The following EDIL3 variants were observed in gnomAD, a reference collection of about 807,000 sequenced individuals.
EDIL3 encodes EGF like and discoidin domains 3.
Under a neutral mutation model 67.4 loss-of-function variants are expected in EDIL3, and 37 were observed. That is an observed-to-expected ratio of 0.55 (90% CI 0.42 to 0.72). The LOEUF (loss-of-function observed/expected upper bound fraction) is 0.72. Ranked by LOEUF, EDIL3 falls within the 30% of genes least tolerant of loss-of-function variation. The probability of loss-of-function intolerance (pLI) is 0.00; values close to 1 mark genes in which losing one functional copy is unlikely to be tolerated. For missense variants in EDIL3, 527 were observed against 586.3 expected (o/e 0.90, Z 1.04); for synonymous variants, 195 against 196.3 (o/e 0.99, Z 0.05).
intron 5 of EDIL3, among the ~76,000 whole-genome samples, chr5:84,127,732 T>G (rs992069184): frequency 5.9e-5 from 9 of 152,082 alleles, no homozygotes; most frequent in Admixed American, 1.3e-4. Context: ...TTTATTTTAT[T>G]TTTTTCGTAC....
In EDIL3 at chr5:84,001,054, T is replaced by A. The variant is rs369897638; in HGVS notation, c.1138-37694A>T. Among the ~76,000 whole-genome samples the A allele has an allele frequency of 2.2e-3, 330 of 152,086 alleles. 2 individuals carry two copies. Among genetic ancestry groups the A allele is most frequent in the African/African-American group, 7.6e-3 (317 of 41,492 alleles). On this transcript the variant is annotated intron_variant, in intron 9 of 10. Coordinates refer to ENST00000296591, the MANE Select transcript of EDIL3 (RefSeq NM_005711.5). ...AGCAGAAAAACCACATTTTTATTTT[T>A]ATTTATTTATTTTTGAGACAGAATC...
intron 1 of EDIL3, among the ~76,000 whole-genome samples, chr5:84,346,561 C>T (rs1747244485): frequency 1.3e-5 from 2 of 152,120 alleles, no homozygotes; most frequent in Admixed American, 1.3e-4. Context: ...GTACAGTGTA[C>T]ATTTTTAGTT....
intron 10 of EDIL3, among the ~76,000 whole-genome samples, chr5:83,957,552 C>T (rs1458341728): frequency 6.6e-6 from 1 of 151,626 alleles, no homozygotes; most frequent in Non-Finnish European, 1.5e-5. Context: ...TTGAATATAT[C>T]CTTCAATGCA....
chr5:83,970,279 T>G (rs996879014), intron 9 of EDIL3, among the ~76,000 whole-genome samples: 2 of 140,252 alleles, frequency 1.4e-5, no homozygotes, highest in African/African-American at 5.1e-5. Context: ...TATATATATA[T>G]ATAGTCTCTT....
At chr5:84,249,546 A>G (rs555201200) in intron 2 of EDIL3, among the ~76,000 whole-genome samples, 1 of 152,226 alleles carries the variant, frequency 6.6e-6, no homozygotes, top group South Asian at 2.1e-4. Flanking sequence ...CCCCTCCACC[A>G]TTCAAGTAAC....
chr5:83,972,465 C>A (rs1401727651), intron 9 of EDIL3, among the ~76,000 whole-genome samples: 1 of 152,098 alleles, frequency 6.6e-6, no homozygotes, highest in Admixed American at 6.6e-5. Context: ...CCATCATCAA[C>A]AGGATGATGG....
chr5:84,036,832 T>C (rs1746030060), intron 9 of EDIL3, among the ~76,000 whole-genome samples: 2 of 152,138 alleles, frequency 1.3e-5, no homozygotes, highest in African/African-American at 2.4e-5. Context: ...AAGTAAAAGA[T>C]CAATGTTTTG....
intron 3 of EDIL3, among the ~76,000 whole-genome samples, chr5:84,219,398 T>C (rs1016262111): frequency 6.6e-6 from 1 of 152,180 alleles, no homozygotes; most frequent in Admixed American, 6.5e-5. Flanking sequence ...AAGGTGCTCA[T>C]AGCATTGATC....
chr5:84,040,178 G>A (rs1746093879), intron 9 of EDIL3, among the ~76,000 whole-genome samples: 1 of 152,180 alleles, frequency 6.6e-6, no homozygotes, highest in South Asian at 2.1e-4. Flanking sequence ...AACCACTTCA[G>A]ATACTGTCTC....
chr5:84,317,277 A>C (rs1048117637), intron 1 of EDIL3, among the ~76,000 whole-genome samples: 2 of 152,206 alleles, frequency 1.3e-5, no homozygotes, highest in Non-Finnish European at 2.9e-5. Flanking sequence ...GAACTGAAGG[A>C]GATAGAGACA....
intron 9 of EDIL3, among the ~76,000 whole-genome samples, chr5:84,023,426 T>C (rs1419713820): frequency 6.6e-6 from 1 of 152,052 alleles, no homozygotes; most frequent in Non-Finnish European, 1.5e-5. Flanking sequence ...TAACTTTATA[T>C]ATTTCGAGGA....
At chr5:84,094,872 A>G (rs1300472075) in intron 6 of EDIL3, among the ~76,000 whole-genome samples, 11 of 152,250 alleles carry the variant, frequency 7.2e-5, no homozygotes, top group Non-Finnish European at 1.6e-4. Flanking sequence ...TCAAATAGCC[A>G]TTTAGAAACA....
intron 4 of EDIL3, among the ~76,000 whole-genome samples, chr5:84,167,526 C>A (rs764238673): frequency 4.6e-5 from 7 of 152,088 alleles, no homozygotes; most frequent in Non-Finnish European, 5.9e-5. Context: ...CAGATAAAAT[C>A]AGTATCTATT....
chr5:84,270,879 G>A (rs1745459089), intron 1 of EDIL3, among the ~76,000 whole-genome samples: 1 of 152,084 alleles, frequency 6.6e-6, no homozygotes, highest in Non-Finnish European at 1.5e-5. Context: ...TAACGGTCTA[G>A]ATTACTTATA....
At chr5:84,173,730 C>A (rs181108985) in intron 4 of EDIL3, among the ~76,000 whole-genome samples, 2 of 152,146 alleles carry the variant, frequency 1.3e-5, no homozygotes, top group Non-Finnish European at 2.9e-5. Flanking sequence ...GTAATGGAGA[C>A]GGGGCCATCC....
chr5:84,179,842 T>C (rs1390302951), intron 4 of EDIL3, among the ~76,000 whole-genome samples: 2 of 152,088 alleles, frequency 1.3e-5, no homozygotes, highest in Non-Finnish European at 2.9e-5. Context: ...AAATCATCAC[T>C]AGTGGGATCT....
At chr5:84,023,361 T>A (rs376916613) in intron 9 of EDIL3, among the ~76,000 whole-genome samples, 1 of 152,066 alleles carries the variant, frequency 6.6e-6, no homozygotes, top group East Asian at 1.9e-4. Context: ...GTATACATCA[T>A]AAACAATGTA....
chr5:84,384,190 C>A, intron 1 of EDIL3, 118 bp downstream of exon 1: 1 of 1,315,294 alleles, frequency 7.6e-7, no homozygotes, highest in East Asian at 2.4e-5. Flanking sequence ...CTCCGCGCCG[C>A]CAGCGGCGCT....
chr5:84,021,129 T>A (rs1745706729), intron 9 of EDIL3, among the ~76,000 whole-genome samples: 1 of 152,050 alleles, frequency 6.6e-6, no homozygotes, highest in Non-Finnish European at 1.5e-5. Flanking sequence ...CTTCTTTTCT[T>A]GGTTAGTCTG....
Sources: allele counts gnomAD v4.1 joint callset (sites outside exome capture counted in the v4.1 genomes callset), GRCh38; gene constraint gnomAD v4.1.1; transcripts MANE v1.5; gene names NCBI Gene and HGNC (gene_info 2026-07-23, HGNC 2026-07-21).